LAMA2: variants seen among roughly 807,000 people sequenced by gnomAD.
LAMA2 encodes the protein laminin subunit alpha 2, also known as laminin subunit alpha-2.
Under a neutral mutation model 364.8 loss-of-function variants are expected in LAMA2, and 269 were observed. The observed-to-expected ratio is 0.74, with a 90% CI of 0.67 to 0.82. LAMA2 has a LOEUF of 0.82. Ranked by LOEUF, LAMA2 falls within the 40% of genes least tolerant of loss-of-function variation. The probability of loss-of-function intolerance (pLI) is 0.00; values close to 1 mark genes in which losing one functional copy is unlikely to be tolerated. For synonymous variants in LAMA2, 1,379 were observed against 1,370.6 expected, an observed-to-expected ratio of 1.01 and a Z score of -0.14; for missense variants, 3,807 against 3,873.2, an observed-to-expected ratio of 0.98 and a Z score of 0.45.
intron 14 of LAMA2, among the ~76,000 whole-genome samples, chr6:129,257,332 G>A (rs1786766942): frequency 6.6e-6 from 1 of 152,042 alleles, no homozygotes; most frequent in Non-Finnish European, 1.5e-5. Context: ...GTACTAATGT[G>A]GAATATTACT....
intron 1 of LAMA2, among the ~76,000 whole-genome samples, chr6:129,007,720 A>G (rs1192465983): frequency 6.6e-6 from 1 of 152,228 alleles, no homozygotes; most frequent in African/African-American, 2.4e-5. Context: ...AGTCAGAAAT[A>G]TCAAAATCCT....
intron 23 of LAMA2, among the ~76,000 whole-genome samples, chr6:129,313,981 A>G (rs574872149): frequency 1.2e-4 from 18 of 152,314 alleles, no homozygotes; most frequent in African/African-American, 3.8e-4. Flanking sequence ...CCTGCTGCCT[A>G]TTTCTTACAG....
intron 22 of LAMA2, among the ~76,000 whole-genome samples, chr6:129,304,880 T>C (rs1184531256): frequency 1.3e-5 from 2 of 152,248 alleles, no homozygotes; most frequent in African/African-American, 4.8e-5. Context: ...ATTTGTTTTA[T>C]GGCCCGGAAT....
At chr6:129,324,551 T>C (rs898278806) in intron 28 of LAMA2, among the ~76,000 whole-genome samples, 59 of 152,220 alleles carry the variant, frequency 3.9e-4, no homozygotes, top group African/African-American at 1.4e-3. Context: ...GGATACGTTC[T>C]GAGAAATGTG....
At chr6:129,090,729 T>C (rs955732082) in intron 3 of LAMA2, among the ~76,000 whole-genome samples, 6 of 152,332 alleles carry the variant, frequency 3.9e-5, no homozygotes, top group Admixed American at 1.3e-4. Context: ...TCAGGGTTCA[T>C]ATTTTTGGCA....
At chr6:129,326,689 TTA>T (rs200334736) in intron 28 of LAMA2, among the ~76,000 whole-genome samples, 1 of 145,814 alleles carries the variant, frequency 6.9e-6, no homozygotes, top group Non-Finnish European at 1.5e-5. Context: ...CACAACAATT[TTA>T]TATATATATA....
chr6:129,503,051 G>A, intron 59 of LAMA2, 40 bp from the exon 60 acceptor site: 1 of 1,570,910 alleles, frequency 6.4e-7, no homozygotes, highest in African/African-American at 1.3e-5. Context: ...TGAGAATGCT[G>A]TTATTTTTCT....
intron 1 of LAMA2, among the ~76,000 whole-genome samples, chr6:129,037,532 G>A (rs943297194): frequency 3.3e-5 from 5 of 152,054 alleles, no homozygotes; most frequent in Admixed American, 6.6e-5. Context: ...GACATTTTTC[G>A]AGAAATACAT....
At chr6:129,471,825 A>C (rs1783827003) in intron 51 of LAMA2, among the ~76,000 whole-genome samples, 1 of 151,936 alleles carries the variant, frequency 6.6e-6, no homozygotes, top group Non-Finnish European at 1.5e-5. Flanking sequence ...TTGTTTTTAC[A>C]AAAGTCTGGT....
intron 58 of LAMA2, among the ~76,000 whole-genome samples, chr6:129,496,976 A>ATCTC (rs1304299093): frequency 2.0e-5 from 3 of 152,212 alleles, no homozygotes; most frequent in African/African-American, 7.2e-5. Context: ...GTAACATTCC[A>ATCTC]TCTCTCTATT....
chr6:129,164,722 C>A (rs536263171), intron 8 of LAMA2, among the ~76,000 whole-genome samples: 6 of 152,120 alleles, frequency 3.9e-5, no homozygotes, highest in Admixed American at 1.3e-4. Flanking sequence ...CAGTTTCCAG[C>A]GGTTGCTTTC....
chr6:129,449,995 A>G (rs933842960), intron 45 of LAMA2, among the ~76,000 whole-genome samples: 1 of 151,798 alleles, frequency 6.6e-6, no homozygotes, highest in Admixed American at 6.6e-5. Flanking sequence ...TAGTTGATAC[A>G]GGGCTTCACC....
chr6:129,173,904 G>A (rs2115009681), intron 9 of LAMA2, among the ~76,000 whole-genome samples: 1 of 152,148 alleles, frequency 6.6e-6, no homozygotes, highest in Admixed American at 6.5e-5. Flanking sequence ...TTAGTAGAAG[G>A]AAGTTTTCTC....
chr6:129,073,495 C>T (rs1773446007), intron 3 of LAMA2, among the ~76,000 whole-genome samples: 1 of 152,178 alleles, frequency 6.6e-6, no homozygotes, highest in African/African-American at 2.4e-5. Flanking sequence ...CTCCCTGAGA[C>T]TTCAGTCACA....
intron 30 of LAMA2, among the ~76,000 whole-genome samples, chr6:129,348,358 A>C (rs1776674504): frequency 6.6e-6 from 1 of 152,218 alleles, no homozygotes; most frequent in Admixed American, 6.5e-5. Context: ...TGTTTTCAGC[A>C]TCAACTGATT....
At chr6:129,234,164 C>CAAT (rs1784844870) in intron 12 of LAMA2, among the ~76,000 whole-genome samples, 1 of 152,034 alleles carries the variant, frequency 6.6e-6, no homozygotes, top group Non-Finnish European at 1.5e-5. Context: ...TACTGGACTC[C>CAAT]AATATGAGAC....
intron 12 of LAMA2, among the ~76,000 whole-genome samples, chr6:129,229,718 G>T (rs1157933823): frequency 6.6e-6 from 1 of 152,148 alleles, no homozygotes; most frequent in African/African-American, 2.4e-5. Context: ...GATACATTTT[G>T]AAGGTAATGC....
intron 47 of LAMA2, among the ~76,000 whole-genome samples, chr6:129,456,002 A>T (rs1378318119): frequency 6.6e-6 from 1 of 152,218 alleles, no homozygotes; most frequent in Non-Finnish European, 1.5e-5. Context: ...TATGTAAGCC[A>T]TAGGAAAAAG....
intron 1 of LAMA2, among the ~76,000 whole-genome samples, chr6:128,949,683 A>G (rs1309670580): frequency 2.0e-5 from 3 of 152,140 alleles, no homozygotes; most frequent in Non-Finnish European, 4.4e-5. Flanking sequence ...AGAAGAAAAA[A>G]CAGATACATT....
Sources: allele counts gnomAD v4.1 joint callset (sites outside exome capture counted in the v4.1 genomes callset), GRCh38; gene constraint gnomAD v4.1.1; transcripts MANE v1.5; gene names NCBI Gene and HGNC (gene_info 2026-07-23, HGNC 2026-07-21).